The following ZNF236 variants were observed in gnomAD, a reference collection of about 807,000 sequenced individuals.
ZNF236 encodes the protein regulated by glucose.
ZNF236 carries 50 observed loss-of-function variants against 191.2 expected under a neutral mutation model. That is an observed-to-expected ratio of 0.26 (90% CI 0.21 to 0.33). The LOEUF is 0.33. ZNF236 is among the 10% of genes least tolerant of loss of function. The probability of loss-of-function intolerance (pLI) is 1.00; values close to 1 mark genes in which losing one functional copy is unlikely to be tolerated. For missense variants in ZNF236, 1,754 were observed against 2,374.5 expected (o/e 0.74, Z 5.43); for synonymous variants, 907 against 928.8 (o/e 0.98, Z 0.43).
intron 13 of ZNF236, among the ~76,000 whole-genome samples, chr18:76,906,253 G>T (rs1977736913): frequency 6.6e-6 from 1 of 152,218 alleles, no homozygotes; most frequent in Admixed American, 6.5e-5. Flanking sequence ...TTTGATTTCA[G>T]TATCGTTGAT....
intron 9 of ZNF236, among the ~76,000 whole-genome samples, chr18:76,894,806 T>G (rs920374105): frequency 1.3e-5 from 2 of 152,198 alleles, no homozygotes; most frequent in Non-Finnish European, 2.9e-5. Context: ...GGCGCTCTTT[T>G]TCAGAGACTG....
chr18:76,955,737 T>C (rs528595693), intron 27 of ZNF236, among the ~76,000 whole-genome samples: 2 of 152,244 alleles, frequency 1.3e-5, no homozygotes, highest in South Asian at 2.1e-4. Context: ...ACCTGGTCAG[T>C]GCGGCGCCAG....
chr18:76,922,945 G>A (rs1264437960), intron 20 of ZNF236, 126 bp from the exon 21 acceptor site: 3 of 681,354 alleles, frequency 4.4e-6, no homozygotes, highest in Admixed American at 5.5e-5. Flanking sequence ...ATGGAGTGAA[G>A]CTTAAAGTTT....
At chr18:76,952,560 A>G (rs571998243) in intron 27 of ZNF236, among the ~76,000 whole-genome samples, 3 of 152,282 alleles carry the variant, frequency 2.0e-5, no homozygotes, top group Non-Finnish European at 2.9e-5. Context: ...TGCTGGCTGT[A>G]GCCTCTGGTG....
intron 26 of ZNF236, among the ~76,000 whole-genome samples, chr18:76,942,571 G>A (rs916736197): frequency 2.6e-5 from 4 of 151,378 alleles, no homozygotes; most frequent in African/African-American, 4.8e-5. Flanking sequence ...GAGTGCAGTG[G>A]CACGATCTCC....
rs1976500245 is a variant in ZNF236 at position 76,868,829 on chromosome 18, C to G, written c.508C>G (p.Leu170Val). The change falls in exon 4 of 31, where the codon CTG becomes GTG. Residue 170 changes from leucine (L) to valine (V), a missense_variant. Physicochemically the swap from Leu to Val is conservative, Grantham distance 32. Coordinates refer to ENST00000320610, the MANE Select transcript of ZNF236 (RefSeq NM_001306089.2). Reference sequence around the variant, plus strand: ...GAAAGAGTTCGAGACCTCCTCGGAGCTGAAGGAACACATGAAGACTCATTA... The same window carrying G: ...GAAAGAGTTCGAGACCTCCTCGGAGGTGAAGGAACACATGAAGACTCATTA... ...CKKEFETSSE[L>V]KEHMKTHYKI... 2 of 1,612,976 alleles carry G rather than the reference C, an allele frequency of 1.2e-6. No individual in the cohort carries two copies. The highest frequency in any genetic ancestry group is 4.5e-5 in the East Asian group (2 of 44,864).
intron 1 of ZNF236, chr18:76,824,495 C>A (rs776922230): frequency 1.3e-6 from 1 of 778,796 alleles, no homozygotes; most frequent in Non-Finnish European, 2.4e-6. Context: ...TCTTTGTTGC[C>A]TCTCCCGCTT....
At position 76,927,421 on chromosome 18, in the gene ZNF236, A is replaced by G; in HGVS notation, c.4318A>G (p.Ile1440Val). ...TVPASVVIQP[I>V]SGLSLQPTVT... ...CCCTGCCAGTGTTGTCATCCAGCCC[A>G]TCTCAGGCCTGTCCTTACAGCCCAC... Residue 1440 changes from isoleucine to valine, a missense_variant, in exon 24 of 31, where the codon ATC becomes GTC. Around this residue, in one of 5 missense-constraint regions of ZNF236, gnomAD observed 606 missense variants for 761.5 expected, o/e 0.80. Coordinates refer to ENST00000320610, the MANE Select transcript of ZNF236 (RefSeq NM_001306089.2). This position sits in a 1 kb window ranked among gnomAD's most constrained non-coding sequence, Gnocchi z 5.4. The G allele has an allele frequency of 6.2e-7, 1 of 1,614,166 alleles. No homozygotes were observed. Among genetic ancestry groups the G allele is most frequent in the Non-Finnish European group, 8.5e-7 (1 of 1,180,030 alleles).
chr18:76,931,398 C>G (rs1367242434), intron 25 of ZNF236, among the ~76,000 whole-genome samples: 1 of 152,178 alleles, frequency 6.6e-6, no homozygotes, highest in Non-Finnish European at 1.5e-5. Flanking sequence ...ATGTCTAATT[C>G]TAGGATACAA....
Position 76,851,828 on chromosome 18 carries a change from A to G in ZNF236, c.252A>G (p.Thr84=), listed in dbSNP as rs1975882193. The G allele has an allele frequency of 6.2e-7, 1 of 1,614,066 alleles. No individual in the cohort carries two copies. Among genetic ancestry groups the G allele is most frequent in the Non-Finnish European group, 8.5e-7 (1 of 1,179,964 alleles). Residue 84 remains threonine (T), a synonymous_variant, in exon 3 of 31, where the codon ACA becomes ACG. Coordinates refer to ENST00000320610, the MANE Select transcript of ZNF236 (RefSeq NM_001306089.2). ...CATTTAATGTTGAATTCAACCTGACACTTCATAAATGCACCCACAGCGGGG... is the reference window on the plus strand; with the variant it reads ...CATTTAATGTTGAATTCAACCTGACGCTTCATAAATGCACCCACAGCGGGG... ...PQTFNVEFNL[T]LHKCTHSGED... is the part of the protein sequence containing the mutation.
intron 3 of ZNF236, among the ~76,000 whole-genome samples, chr18:76,855,267 A>G (rs1976010216): frequency 6.6e-6 from 1 of 152,148 alleles, no homozygotes; most frequent in African/African-American, 2.4e-5. Context: ...ATAATGGTGT[A>G]TTAATATATT....
chr18:76,871,985 C>T (rs952707066), intron 5 of ZNF236, among the ~76,000 whole-genome samples, 160 bp downstream of exon 5: 8 of 152,204 alleles, frequency 5.3e-5, no homozygotes, highest in Non-Finnish European at 8.8e-5. Flanking sequence ...TATTTCCTCA[C>T]TTGAAAAATG....
At chr18:76,946,687 C>T (rs1487275188) in intron 26 of ZNF236, among the ~76,000 whole-genome samples, 1 of 152,236 alleles carries the variant, frequency 6.6e-6, no homozygotes, top group Non-Finnish European at 1.5e-5. Context: ...AGCTTCCTCT[C>T]TGCTCTTGTG....
chr18:76,893,659 C>T (rs1977314169), intron 9 of ZNF236, among the ~76,000 whole-genome samples: 1 of 152,148 alleles, frequency 6.6e-6, no homozygotes, highest in Admixed American at 6.5e-5. Flanking sequence ...AGGCATGCAC[C>T]ACCGCACCTG....
At chr18:76,902,686 C>G (rs998339136) in intron 11 of ZNF236, among the ~76,000 whole-genome samples, 1 of 152,100 alleles carries the variant, frequency 6.6e-6, no homozygotes, top group Admixed American at 6.5e-5. Flanking sequence ...ATTCTCCTGC[C>G]TCAGCTTCCT....
intron 6 of ZNF236, among the ~76,000 whole-genome samples, chr18:76,877,186 A>T (rs1464131877): frequency 6.6e-6 from 1 of 152,110 alleles, no homozygotes; most frequent in Admixed American, 6.6e-5. Flanking sequence ...ACTGGTTTCC[A>T]TGGTTTCTGG....
Position 76,968,230 on chromosome 18 carries a change from C to G in ZNF236, c.5435C>G (p.Ser1812Cys). ...AHSYAGALQE[S>C]AGHPEQDGEE... ...TGCATAACAGGAGCTCTGCAGGAGT[C>G]TGCAGGTCACCCGGAGCAGGACGGG... The change falls in exon 31 of 31, where the codon TCT becomes TGT. Residue 1812 changes from serine (S) to cysteine (C), a missense_variant. Physicochemically the swap from Ser to Cys is moderately radical, Grantham distance 112. Coordinates refer to ENST00000320610, the MANE Select transcript of ZNF236 (RefSeq NM_001306089.2). 4 of 1,613,890 alleles carry G rather than the reference C, an allele frequency of 2.5e-6. No individual in the cohort carries two copies. The highest frequency in any genetic ancestry group is 3.4e-6 in the Non-Finnish European group (4 of 1,179,914).
Position 76,927,628 on chromosome 18 carries a change from A to G in ZNF236, c.4414+111A>G. The G allele has an allele frequency of 7.2e-7, 1 of 1,379,960 alleles. No individual in the cohort carries two copies. Among genetic ancestry groups the G allele is most frequent in the Non-Finnish European group, 9.7e-7 (1 of 1,032,268 alleles). The allele number at this position is 1,379,960 out of a possible 1,614,324, so 85.5% of individuals were successfully genotyped here. ...GATGTCATTTTCTTCTCTTTGTAGA[A>G]GAGAATAAATCAAATGTCCTGAGAA... On this transcript the variant is annotated intron_variant, in intron 24 of 30. Transcript: ENST00000320610. This position sits in a 1 kb window ranked among gnomAD's most constrained non-coding sequence, Gnocchi z 5.4.
intron 1 of ZNF236, among the ~76,000 whole-genome samples, chr18:76,834,179 G>T (rs529362388): frequency 6.6e-6 from 1 of 152,218 alleles, no homozygotes; most frequent in African/African-American, 2.4e-5. Flanking sequence ...AGGCTCTGTA[G>T]TAATGGCCCT....
Sources: allele counts gnomAD v4.1 joint callset (sites outside exome capture counted in the v4.1 genomes callset), GRCh38; gene constraint gnomAD v4.1.1; regional missense constraint gnomAD v4.1.1; non-coding constraint Gnocchi (gnomAD v3.1); transcripts MANE v1.5; gene names NCBI Gene and HGNC (gene_info 2026-07-23, HGNC 2026-07-21).